MUC3A: variants seen among roughly 807,000 people sequenced by gnomAD.
MUC3A encodes the protein mucin 3A, cell surface associated.
A neutral mutation model predicts 109.0 loss-of-function variants in MUC3A; 109 were observed. That is an observed-to-expected ratio of 1.00 (90% CI 0.86 to 1.17). The LOEUF (loss-of-function observed/expected upper bound fraction) is 1.17. Among genes scored for constraint, MUC3A ranks in the 50% most tolerant of loss-of-function variants. The pLI, the probability that MUC3A is intolerant of heterozygous loss-of-function variation, is 0.00. For synonymous variants in MUC3A, 1,398 were observed against 981.4 expected (o/e 1.42, Z -7.93); for missense variants, 3,537 against 2,469.4 (o/e 1.43, Z -9.16).
At chr7:100,966,269 A>ACCCCCCAGCTTGGCCTAGGGTGGAAC in intron 8 of MUC3A, 117 bp from the exon 9 acceptor site, 1 of 984,760 alleles carries the variant, frequency 1.0e-6, no homozygotes, top group South Asian at 5.2e-5. Flanking sequence ...CTAGGGTGGA[A>ACCCCCCAGCTTGGCCTAGGGTGGAAC]CCCCCCGCTG....
intron 3 of MUC3A, 80 bp from the exon 4 acceptor site, chr7:100,963,071 T>A: frequency 1.3e-6 from 2 of 1,487,636 alleles, no homozygotes; most frequent in African/African-American, 1.4e-5. Flanking sequence ...AGGAGGAGCC[T>A]GTGGGTTGGG....
chr7:100,957,686 C>T lies in MUC3A; in HGVS notation c.5907C>T (p.Ser1969=). The change falls in exon 2 of 12, where the codon TCC becomes TCT. Residue 1969 remains serine (S), a synonymous_variant. Transcript: ENST00000379458. ...TSSITTTETT[S]HNTPSLTSSI... ...CGATCACCACCACCGAGACCACATC[C>T]CACAATACTCCCAGCCTCACTTCTT... The T allele has an allele frequency of 1.5e-6, 1 of 660,988 alleles. No homozygotes were observed. Among genetic ancestry groups the T allele is most frequent in the African/African-American group, 7.5e-5 (1 of 13,290 alleles). 40.9% of individuals were successfully genotyped at this position (660,988 alleles called of 1,614,324 possible). A position where few individuals can be genotyped will look rare whatever the true frequency, so the allele number is the denominator to read the frequency against.
In MUC3A at chr7:100,960,077, C is replaced by T; in HGVS notation, c.8298C>T (p.Thr2766=). The change falls in exon 2 of 12, where the codon ACC becomes ACT. Residue 2766 remains threonine (T), a synonymous_variant. Coordinates refer to ENST00000379458, the MANE Select transcript of MUC3A (RefSeq NM_005960.2). ...TTTCTTATATTTCCCTTCCCTCCAC[C>T]ACACCCTGTCCAGGAACTATAACAA... is the stretch of plus-strand genomic sequence containing the variant. The part of the protein sequence containing the change: ...TPFSYISLPS[T]TPCPGTITIT... 1 of 1,516,048 alleles carries T rather than the reference C, an allele frequency of 6.6e-7. No individual in the cohort carries two copies. The highest frequency in any genetic ancestry group is 8.8e-7 in the Non-Finnish European group (1 of 1,142,148). 93.9% of individuals were successfully genotyped at this position (1,516,048 alleles called of 1,614,324 possible).
intron 7 of MUC3A, 119 bp downstream of exon 7, chr7:100,965,466 C>G: frequency 1.3e-6 from 2 of 1,495,966 alleles, no homozygotes; most frequent in South Asian, 1.2e-5. Flanking sequence ...AGTCATGTGG[C>G]CCAGGGCGGC....
At position 100,957,775 on chromosome 7, in the gene MUC3A, C is replaced by T. The variant is rs1792140919; in HGVS notation, c.5996C>T (p.Thr1999Ile). The change falls in exon 2 of 12, where the codon ACC becomes ATC. Residue 1999 changes from threonine (T) to isoleucine (I), a missense_variant. Thr to Ile is a moderately conservative substitution (Grantham distance 89). Coordinates refer to ENST00000379458, the MANE Select transcript of MUC3A (RefSeq NM_005960.2). ...TPSYTSLITT[T>I]TTTSHSTPSF... is the part of the protein sequence containing the mutation. ...AGCTACACTTCTTTGATCACCACAA[C>T]CACCACCACCTCACACAGTACTCCC... The T allele has an allele frequency of 2.0e-5, 24 of 1,216,610 alleles. No individual in the cohort carries two copies. In the Admixed American group the frequency reaches 2.2e-4, roughly 11 times the overall value. The allele number at this position is 1,216,610 out of a possible 1,614,324, so 75.4% of individuals were successfully genotyped here. A position where few individuals can be genotyped will look rare whatever the true frequency, so the allele number is the denominator to read the frequency against.
rs1481712443 is a variant in MUC3A at position 100,957,720 on chromosome 7, A to G, written c.5941A>G (p.Thr1981Ala). 13 of 156,396 alleles carry G rather than the reference A, an allele frequency of 8.3e-5. No individual in the cohort carries two copies. The highest frequency in any genetic ancestry group is 3.1e-4 in the African/African-American group (2 of 6,400). 9.7% of individuals were successfully genotyped at this position (156,396 alleles called of 1,614,324 possible). A position where few individuals can be genotyped will look rare whatever the true frequency, so the allele number is the denominator to read the frequency against. Residue 1981 changes from threonine to alanine, a missense_variant, in exon 2 of 12, where the codon ACC becomes GCC. Physicochemically the swap from Thr to Ala is moderately conservative, Grantham distance 58 (BLOSUM62 0). Coordinates refer to ENST00000379458, the MANE Select transcript of MUC3A (RefSeq NM_005960.2). ...NTPSLTSSIT[T>A]TKTTSHSTPS... ...TCCCAGCCTCACTTCTTCAATCACC[A>G]CCACCAAGACCACCTCACACAGTAC...
Position 100,953,523 on chromosome 7 carries a change from AC to A in MUC3A, c.1745del (p.Thr582LysfsTer48). 1 of 323,896 alleles carries A rather than the reference AC, an allele frequency of 3.1e-6. No homozygotes were observed. Among genetic ancestry groups the A allele is most frequent in the Non-Finnish European group, 5.0e-6 (1 of 199,566 alleles). 20.1% of individuals were successfully genotyped at this position (323,896 alleles called of 1,614,324 possible). ...PTTTTSFTTS[T>X]TMEPPSTTAA... Reference sequence around the variant, plus strand: ...TACCACCACCTCATTCACAACTTCCACAACTATGGAACCACCTTCAACCACT... The same window carrying A: ...TACCACCACCTCATTCACAACTTCCAAACTATGGAACCACCTTCAACCACT... On this transcript the variant is annotated frameshift_variant, in exon 2 of 12. Transcript: ENST00000379458. LOFTEE classifies it high-confidence loss of function.
Position 100,952,394 on chromosome 7 carries a change from C to A in MUC3A, c.615C>A (p.Pro205=). The change falls in exon 2 of 12, where the codon CCC becomes CCA. Residue 205 remains proline, a synonymous_variant. Coordinates refer to ENST00000379458, the MANE Select transcript of MUC3A (RefSeq NM_005960.2). ...AAACTCCCATAGTGACAGTGACACCCTCCTCTGTGTCAGCCACAGACACAA... is the reference window on the plus strand; with the variant it reads ...AAACTCCCATAGTGACAGTGACACCATCCTCTGTGTCAGCCACAGACACAA... The part of the protein sequence containing the change: ...ARETPIVTVT[P]SSVSATDTTF... The A allele has an allele frequency of 6.3e-7, 1 of 1,598,544 alleles. No individual in the cohort carries two copies. Among genetic ancestry groups the A allele is most frequent in the Non-Finnish European group, 8.5e-7 (1 of 1,179,774 alleles).
At chr7:100,966,345 GC>G in intron 8 of MUC3A, 40 bp from the exon 9 acceptor site, 1 of 1,285,048 alleles carries the variant, frequency 7.8e-7, no homozygotes. Context: ...TGGACCCCGA[GC>G]CCGGAGGTGA....
Position 100,958,711 on chromosome 7 carries a change from T to A in MUC3A, c.6932T>A (p.Ile2311Asn). The change falls in exon 2 of 12, where the codon ATC (isoleucine) becomes AAC (asparagine). Residue 2311 changes from isoleucine (I) to asparagine (N), a missense_variant. By Grantham distance (149) the Ile-to-Asn change is moderately radical (BLOSUM62 -3). Transcript: ENST00000379458. Reference sequence around the variant, plus strand: ...AGTACTCCCAGCTTCACTTCTTCGATCACCACCACGGAGACCACCTCACAC... The same window carrying A: ...AGTACTCCCAGCTTCACTTCTTCGAACACCACCACGGAGACCACCTCACAC... ...SHSTPSFTSS[I>N]TTTETTSHSA... 4 of 1,512,542 alleles carry A rather than the reference T, an allele frequency of 2.6e-6. No homozygotes were observed. The highest frequency in any genetic ancestry group is 1.2e-5 in the South Asian group (1 of 86,050). The allele number at this position is 1,512,542 out of a possible 1,614,324, so 93.7% of individuals were successfully genotyped here.
chr7:100,963,838 C>T, intron 5 of MUC3A, 86 bp downstream of exon 5: 9 of 1,566,960 alleles, frequency 5.7e-6, no homozygotes, highest in Non-Finnish European at 7.8e-6. Flanking sequence ...CTTTTGTAAT[C>T]ATCAGATTTT....
intron 3 of MUC3A, among the ~76,000 whole-genome samples, chr7:100,961,896 C>G (rs950211047): frequency 6.6e-6 from 1 of 152,298 alleles, no homozygotes; most frequent in African/African-American, 2.4e-5. Context: ...TCGCTTGAGG[C>G]GAGGAGTTCA....
Position 100,963,711 on chromosome 7 carries a change from G to A in MUC3A, c.9192G>A (p.Met3064Ile), listed in dbSNP as rs1792420537. Residue 3064 changes from methionine to isoleucine, a missense_variant, in exon 5 of 12, where the codon ATG (methionine) becomes ATA (isoleucine). Met to Ile is a conservative substitution (Grantham distance 10). Transcript: ENST00000379458. ...WNQMQKIFAD[M>I]QGFTFKGVEI... The stretch of plus-strand genomic sequence containing the variant: ...AGATGCAGAAGATTTTTGCAGACAT[G>A]CAGGGCTTCACCTTCAAGGGTGTGG... 3 of 1,598,406 alleles carry A rather than the reference G, an allele frequency of 1.9e-6. No individual in the cohort carries two copies. Among genetic ancestry groups the A allele is most frequent in the Admixed American group, 1.7e-5 (1 of 60,014 alleles).
At chr7:100,966,275 C>G in intron 8 of MUC3A, 111 bp from the exon 9 acceptor site, 2 of 945,560 alleles carry the variant, frequency 2.1e-6, no homozygotes, top group Non-Finnish European at 2.5e-6. Flanking sequence ...TGGAACCCCC[C>G]GCTGCCCTAG....
intron 5 of MUC3A, 139 bp downstream of exon 5, chr7:100,963,891 G>C: frequency 2.4e-6 from 3 of 1,254,548 alleles, no homozygotes; most frequent in South Asian, 1.3e-5. Flanking sequence ...CACTCCCTGG[G>C]TATTTTTTCG....
At chr7:100,961,323 T>G (rs1367113267) in intron 3 of MUC3A, among the ~76,000 whole-genome samples, 1 of 121,858 alleles carries the variant, frequency 8.2e-6, no homozygotes, top group Non-Finnish European at 1.8e-5. Flanking sequence ...AGGGCTGTGT[T>G]GTCTTTCAGC....
At chr7:100,961,431 TC>T (rs1261868305) in intron 3 of MUC3A, among the ~76,000 whole-genome samples, 3 of 18,030 alleles carry the variant, frequency 1.7e-4, no homozygotes, top group Non-Finnish European at 2.8e-4. Context: ...TAGCCTCATC[TC>T]CCTCTAATGA....
chr7:100,959,950 C>G lies in MUC3A; in HGVS notation c.8171C>G (p.Ser2724Cys), dbSNP rs774914006. 5 of 1,509,872 alleles carry G rather than the reference C, an allele frequency of 3.3e-6. No individual in the cohort carries two copies. The highest frequency in any genetic ancestry group is 3.5e-6 in the Non-Finnish European group (4 of 1,140,398). 93.5% of individuals were successfully genotyped at this position (1,509,872 alleles called of 1,614,324 possible). Reference protein sequence around the residue: ...PYIFSTENVGSASITGFPSLS... With the variant: ...PYIFSTENVGCASITGFPSLS... ...ATTTTCAGTACAGAAAATGTGGGCT[C>G]CGCTTCTATCACAGGCTTTCCTAGT... The change falls in exon 2 of 12, where the codon TCC becomes TGC. Residue 2724 changes from serine to cysteine, a missense_variant. Coordinates refer to ENST00000379458, the MANE Select transcript of MUC3A (RefSeq NM_005960.2).
chr7:100,967,360 C>T lies in MUC3A; in HGVS notation c.*198C>T. On this transcript the variant is annotated 3_prime_UTR_variant, in exon 12 of 12. Coordinates refer to ENST00000379458, the MANE Select transcript of MUC3A (RefSeq NM_005960.2). ...ACCCACCTGGAGACGCAGTTCACGT[C>T]CAGGCTCTTCCACTGTGGAATCTTG... is the stretch of plus-strand genomic sequence containing the variant. The T allele has an allele frequency of 1.3e-6, 1 of 798,176 alleles. No individual in the cohort carries two copies. The highest frequency in any genetic ancestry group is 2.0e-6 in the Non-Finnish European group (1 of 512,552). The allele number at this position is 798,176 out of a possible 1,614,324, so 49.4% of individuals were successfully genotyped here.
Sources: gnomAD v4.1 joint callset for allele counts (sites outside exome capture counted in the v4.1 genomes callset) on GRCh38, gnomAD v4.1.1 for gene constraint, MANE v1.5 for transcripts, NCBI Gene and HGNC (gene_info 2026-07-23, HGNC 2026-07-21) for gene names.